Variants in TRDN observed in about 807,000 individuals in gnomAD.
The protein encoded by TRDN is triadin in skeletal muscle.
Under a neutral mutation model 149.7 loss-of-function variants are expected in TRDN, and 161 were observed. The ratio of observed to expected loss-of-function variants is 1.08; its 90% CI spans 0.95 to 1.23. The LOEUF is 1.23. Among genes scored for constraint, TRDN ranks in the 50% most tolerant of loss-of-function variants. TRDN has a pLI of 0.00. For missense variants in TRDN, 896 were observed against 823.5 expected, an observed-to-expected ratio of 1.09 and a Z score of -1.08; for synonymous variants, 294 against 250.5, an observed-to-expected ratio of 1.17 and a Z score of -1.64.
chr6:123,303,132 G>A (rs1411453384), intron 24 of TRDN, among the ~76,000 whole-genome samples: 1 of 152,070 alleles, frequency 6.6e-6, no homozygotes, highest in African/African-American at 2.4e-5. Context: ...TCACTTAGAA[G>A]TTAAATGATG....
intron 11 of TRDN, 112 bp downstream of exon 11, chr6:123,438,832 T>G (rs557685753): frequency 1.3e-6 from 1 of 776,750 alleles, no homozygotes; most frequent in African/African-American, 1.8e-5. Context: ...CTAATAACAA[T>G]GACAATGCAT....
At chr6:123,591,636 T>C (rs1214026602) in intron 1 of TRDN, among the ~76,000 whole-genome samples, 1 of 152,196 alleles carries the variant, frequency 6.6e-6, no homozygotes, top group Non-Finnish European at 1.5e-5. Context: ...TATACACATC[T>C]CACGAAGGAA....
At chr6:123,470,172 G>A (rs1034399602) in intron 9 of TRDN, 4 of 151,540 alleles carry the variant, frequency 2.6e-5, no homozygotes, top group African/African-American at 9.7e-5. Context: ...TCTTTTATTA[G>A]TATGTATTTC....
chr6:123,243,461 A>G (rs2114549700), intron 38 of TRDN, among the ~76,000 whole-genome samples: 1 of 152,322 alleles, frequency 6.6e-6, no homozygotes, highest in East Asian at 1.9e-4. Flanking sequence ...TCCCACAAAA[A>G]CAATCAAAAT....
chr6:123,486,666 T>C (rs1317115666), intron 9 of TRDN, among the ~76,000 whole-genome samples: 2 of 146,394 alleles, frequency 1.4e-5, no homozygotes, highest in Non-Finnish European at 2.9e-5. Flanking sequence ...ATATTAATCA[T>C]TCCTCTACTT....
At chr6:123,343,487 T>C (rs983734154) in intron 21 of TRDN, among the ~76,000 whole-genome samples, 32 of 151,920 alleles carry the variant, frequency 2.1e-4, no homozygotes, top group Non-Finnish European at 2.9e-5. Context: ...TGAAGAAATA[T>C]AATTGAATAT....
At chr6:123,348,808 A>ATGGTGAACATTATAATGC (rs1780349641) in intron 21 of TRDN, among the ~76,000 whole-genome samples, 1 of 151,838 alleles carries the variant, frequency 6.6e-6, no homozygotes, top group African/African-American at 2.4e-5. Context: ...CATTATAATG[A>ATGGTGAACATTATAATGC]ACTTCTGATT....
chr6:123,529,104 C>G, intron 5 of TRDN: 1 of 1,473,792 alleles, frequency 6.8e-7, no homozygotes, highest in Non-Finnish European at 9.0e-7. Flanking sequence ...ATGGTGCCAT[C>G]TACATTACTA....
chr6:123,532,749 T>C (rs1484123386), intron 4 of TRDN, among the ~76,000 whole-genome samples: 1 of 151,890 alleles, frequency 6.6e-6, no homozygotes, highest in Non-Finnish European at 1.5e-5. Context: ...ATGATTAAAA[T>C]TAGTTTTATA....
At chr6:123,530,885 C>T (rs1391369263) in intron 4 of TRDN, among the ~76,000 whole-genome samples, 1 of 151,856 alleles carries the variant, frequency 6.6e-6, no homozygotes, top group African/African-American at 2.4e-5. Context: ...TTCAATTACT[C>T]TCAATACAAA....
chr6:123,611,940 A>G (rs545881856), intron 1 of TRDN, among the ~76,000 whole-genome samples: 80 of 152,244 alleles, frequency 5.3e-4, no homozygotes, highest in African/African-American at 1.9e-3. Context: ...AATATGACTA[A>G]AAGTCTGGAA....
At chr6:123,613,136 C>A (rs796093019) in intron 1 of TRDN, among the ~76,000 whole-genome samples, 78 of 152,240 alleles carry the variant, frequency 5.1e-4, no homozygotes, top group African/African-American at 1.9e-3. Flanking sequence ...CTTACCAAAG[C>A]ATTGGGAAAT....
intron 1 of TRDN, among the ~76,000 whole-genome samples, chr6:123,580,022 C>G (rs1783043971): frequency 6.6e-6 from 1 of 152,162 alleles, no homozygotes; most frequent in African/African-American, 2.4e-5. Context: ...TACACAGTCT[C>G]AGGCAGTTCT....
At chr6:123,251,858 A>G in intron 38 of TRDN, among the ~76,000 whole-genome samples, 1 of 152,014 alleles carries the variant, frequency 6.6e-6, no homozygotes. Flanking sequence ...TAGGAGATAC[A>G]TCCATTCCTA....
chr6:123,557,487 C>T (rs1275050464), intron 2 of TRDN, among the ~76,000 whole-genome samples: 1 of 152,112 alleles, frequency 6.6e-6, no homozygotes, highest in South Asian at 2.1e-4. Flanking sequence ...AATCTTGGCG[C>T]CACACTTCAA....
chr6:123,633,692 C>T (rs544146075), intron 1 of TRDN, among the ~76,000 whole-genome samples: 1 of 152,092 alleles, frequency 6.6e-6, no homozygotes, highest in Admixed American at 6.6e-5. Flanking sequence ...CAACTTTGTC[C>T]TATTTCTAAT....
chr6:123,314,216 G>T (rs1778938026), intron 24 of TRDN, among the ~76,000 whole-genome samples: 1 of 151,864 alleles, frequency 6.6e-6, no homozygotes, highest in Admixed American at 6.6e-5. Context: ...TTCAATACAA[G>T]ACATACATGC....
intron 2 of TRDN, among the ~76,000 whole-genome samples, chr6:123,563,269 C>T (rs747383626): frequency 5.1e-4 from 78 of 152,220 alleles, no homozygotes; most frequent in African/African-American, 8.2e-4. Context: ...CAAAATTGTG[C>T]GACAGATGTT....
At chr6:123,244,123 C>T (rs901252158) in intron 38 of TRDN, among the ~76,000 whole-genome samples, 1 of 152,120 alleles carries the variant, frequency 6.6e-6, no homozygotes, top group Admixed American at 6.6e-5. Flanking sequence ...TTAGATAAAT[C>T]CACGAAGATG....
Sources: allele counts gnomAD v4.1 joint callset (sites outside exome capture counted in the v4.1 genomes callset), GRCh38; gene constraint gnomAD v4.1.1; transcripts MANE v1.5; gene names NCBI Gene and HGNC (gene_info 2026-07-23, HGNC 2026-07-21).